MALRD1: variants seen among roughly 807,000 people sequenced by gnomAD.
MALRD1 encodes MAM and LDL receptor class A domain containing 1.
MALRD1 carries 247 observed loss-of-function variants against 242.1 expected under a neutral mutation model. The observed-to-expected ratio is 1.02, with a 90% confidence interval of 0.92 to 1.13. The LOEUF (loss-of-function observed/expected upper bound fraction) is 1.13. Among genes scored for constraint, MALRD1 ranks in the 50% most tolerant of loss-of-function variants. The pLI, the probability that MALRD1 is intolerant of heterozygous loss-of-function variation, is 0.00. For missense variants in MALRD1, 2,989 were observed against 2,533.1 expected (o/e 1.18, Z -3.86); for synonymous variants, 995 against 866.6 (o/e 1.15, Z -2.60).
At chr10:19,472,297 G>T (rs1013896202) in intron 29 of MALRD1, among the ~76,000 whole-genome samples, 3 of 151,986 alleles carry the variant, frequency 2.0e-5, no homozygotes, top group Non-Finnish European at 2.9e-5. Flanking sequence ...GTTGAGTTCT[G>T]TTTGCTAGAG....
rs1836937226 is a variant in MALRD1, at chr10:19,209,361, C to T, written c.2672C>T (p.Thr891Ile). ...DFDWTRSQGP[T>I]PTLNTGPMKD... ...GATTGGACCAGGAGCCAGGGTCCAA[C>T]TCCAACACTTAACACAGGGCCAATG... Residue 891 changes from threonine to isoleucine, a missense_variant, in exon 18 of 40, where the codon ACT (threonine) becomes ATT (isoleucine). Physicochemically the swap from Thr to Ile is moderately conservative, Grantham distance 89. Coordinates refer to ENST00000454679, the MANE Select transcript of MALRD1 (RefSeq NM_001142308.3). 1 of 1,550,902 alleles carries T rather than the reference C, an allele frequency of 6.4e-7. No individual in the cohort carries two copies. Among genetic ancestry groups the T allele is most frequent in the African/African-American group, 1.4e-5 (1 of 73,164 alleles).
intron 21 of MALRD1, among the ~76,000 whole-genome samples, chr10:19,297,839 A>C (rs1030435743): frequency 6.6e-6 from 1 of 152,012 alleles, no homozygotes; most frequent in African/African-American, 2.4e-5. Flanking sequence ...AGGGAAAAAA[A>C]AGGCATTATG....
At position 19,526,365 on chromosome 10, in the gene MALRD1, A is replaced by ATACATATATAT. The variant is rs10695324; in HGVS notation, c.5321-4829_5321-4828insTACATATATAT. 6.9e-3 allele frequency among the ~76,000 whole-genome samples: 1,032 copies of ATACATATATAT among 148,946 alleles called. 8 individuals carry two copies. The highest frequency in any genetic ancestry group is 0.034 in the East Asian group (170 of 5,042). Reference sequence around the variant, plus strand: ...CATCTTTATGATTCTCCAAAAAAAAAATACATATATATATATATATGTCAT... The same window carrying ATACATATATAT: ...CATCTTTATGATTCTCCAAAAAAAAATACATATATATATACATATATATATATATATGTCAT... On this transcript the variant is annotated intron_variant, in intron 31 of 39. Coordinates refer to ENST00000454679, the MANE Select transcript of MALRD1 (RefSeq NM_001142308.3).
At chr10:19,277,408 A>C (rs183531273) in intron 19 of MALRD1, among the ~76,000 whole-genome samples, 5 of 152,236 alleles carry the variant, frequency 3.3e-5, no homozygotes, top group African/African-American at 7.2e-5. Context: ...CTGGTAGCCT[A>C]ATATTCCTGG....
intron 28 of MALRD1, among the ~76,000 whole-genome samples, chr10:19,448,558 A>C (rs1173449432): frequency 6.6e-6 from 1 of 152,140 alleles, no homozygotes; most frequent in Non-Finnish European, 1.5e-5. Context: ...CCTGTGCTCA[A>C]CTGGTTAATA....
chr10:19,247,836 C>T (rs1839131129), intron 18 of MALRD1, among the ~76,000 whole-genome samples: 1 of 151,744 alleles, frequency 6.6e-6, no homozygotes, highest in African/African-American at 2.4e-5. Context: ...AAAATAAAAA[C>T]TTAACCGACG....
At chr10:19,607,742 T>G (rs1366180865) in intron 34 of MALRD1, 35 bp from the exon 35 acceptor site, 1 of 1,530,140 alleles carries the variant, frequency 6.5e-7, no homozygotes, top group South Asian at 1.2e-5. Flanking sequence ...AAAATCATGC[T>G]GGCATCCCTG....
intron 36 of MALRD1, among the ~76,000 whole-genome samples, chr10:19,630,263 T>A (rs1055109356): frequency 2.0e-5 from 3 of 152,182 alleles, no homozygotes; most frequent in Non-Finnish European, 2.9e-5. Context: ...TATATATGGT[T>A]ATATAAACAT....
chr10:19,193,277 C>G (rs1440246627), intron 14 of MALRD1, among the ~76,000 whole-genome samples: 1 of 152,122 alleles, frequency 6.6e-6, no homozygotes, highest in Non-Finnish European at 1.5e-5. Context: ...ACTATCAAGC[C>G]AGGCTCAGTG....
Position 19,450,417 on chromosome 10 carries a change from T to G in MALRD1, c.4956T>G (p.Phe1652Leu), listed in dbSNP as rs745771356. The change falls in exon 29 of 40, where the codon TTT becomes TTG. Residue 1652 changes from phenylalanine to leucine, a missense_variant. Coordinates refer to ENST00000454679, the MANE Select transcript of MALRD1 (RefSeq NM_001142308.3). ...AGTTAAGGAATTTTGAAGTCATATT[T>G]CAAGGTATCAGAACAAGGGACCTGG... ...LGKLRNFEVIFQGIRTRDLGG... is the reference protein window; with the variant it reads ...LGKLRNFEVILQGIRTRDLGG... The G allele has an allele frequency of 2.6e-6, 4 of 1,550,592 alleles. No homozygotes were observed. Among genetic ancestry groups the G allele is most frequent in the Admixed American group, 2.0e-5 (1 of 50,996 alleles).
At chr10:19,143,125 G>A (rs375116373) in intron 10 of MALRD1, among the ~76,000 whole-genome samples, 8 of 152,166 alleles carry the variant, frequency 5.3e-5, no homozygotes, top group Admixed American at 1.3e-4. Context: ...TTAGCATTCT[G>A]TAAAAAGCAC....
intron 36 of MALRD1, among the ~76,000 whole-genome samples, chr10:19,671,041 G>A (rs1004076089): frequency 8.5e-5 from 13 of 152,094 alleles, no homozygotes; most frequent in Admixed American, 7.9e-4. Flanking sequence ...ACCACGCCTG[G>A]CTAATTTTTT....
intron 13 of MALRD1, among the ~76,000 whole-genome samples, chr10:19,172,775 A>C (rs1168193947): frequency 6.6e-6 from 1 of 151,948 alleles, no homozygotes; most frequent in African/African-American, 2.4e-5. Flanking sequence ...ATTGACATCA[A>C]TGCAAGATGT....
chr10:19,665,209 A>G (rs939026618), intron 36 of MALRD1, among the ~76,000 whole-genome samples: 1 of 152,156 alleles, frequency 6.6e-6, no homozygotes, highest in Non-Finnish European at 1.5e-5. Context: ...CATCCTAACA[A>G]AAGAATAATA....
chr10:19,075,827 T>G (rs1309921607), intron 2 of MALRD1, among the ~76,000 whole-genome samples: 1 of 152,078 alleles, frequency 6.6e-6, no homozygotes, highest in Non-Finnish European at 1.5e-5. Context: ...CCACTAGGTG[T>G]GTAGTAACTT....
At chr10:19,320,423 G>T (rs1321977056) in intron 21 of MALRD1, among the ~76,000 whole-genome samples, 3 of 152,062 alleles carry the variant, frequency 2.0e-5, no homozygotes, top group Non-Finnish European at 4.4e-5. Context: ...TGGCTGCACA[G>T]TATTCCATGG....
intron 21 of MALRD1, among the ~76,000 whole-genome samples, chr10:19,315,063 AAATATG>A (rs1842592533): frequency 7.1e-6 from 1 of 141,710 alleles, no homozygotes; most frequent in African/African-American, 2.5e-5. Context: ...TAATTTATAT[AAATATG>A]TAAATATAAT....
At chr10:19,297,217 A>G (rs1159804118) in intron 21 of MALRD1, among the ~76,000 whole-genome samples, 2 of 151,566 alleles carry the variant, frequency 1.3e-5, no homozygotes, top group Non-Finnish European at 2.9e-5. Flanking sequence ...AAGTATAAGC[A>G]TTATTAATGA....
At chr10:19,631,961 T>C (rs559187345) in intron 36 of MALRD1, among the ~76,000 whole-genome samples, 7 of 152,192 alleles carry the variant, frequency 4.6e-5, no homozygotes, top group Non-Finnish European at 1.0e-4. Context: ...GATAGTTTCT[T>C]CTGCTGCTGC....
Sources: gnomAD v4.1 joint callset for allele counts (sites outside exome capture counted in the v4.1 genomes callset) on GRCh38, gnomAD v4.1.1 for gene constraint, MANE v1.5 for transcripts, NCBI Gene and HGNC (gene_info 2026-07-23, HGNC 2026-07-21) for gene names.